LSAMP: variants seen among roughly 807,000 people sequenced by gnomAD.
LSAMP encodes the protein limbic system associated membrane protein, also known as limbic system-associated membrane protein.
LSAMP carries 7 observed loss-of-function variants against 38.6 expected under a neutral mutation model. The observed-to-expected ratio is 0.18, with a 90% CI of 0.10 to 0.34. The LOEUF (loss-of-function observed/expected upper bound fraction) is 0.34. Among genes scored for constraint, LSAMP ranks in the 10% least tolerant of loss-of-function variants. The pLI is 1.00. For missense variants in LSAMP, 313 were observed against 420.0 expected, an observed-to-expected ratio of 0.75 and a Z score of 2.23; for synonymous variants, 154 against 166.8, an observed-to-expected ratio of 0.92 and a Z score of 0.59.
chr3:115,821,681 G>A (rs778205709), intron 6 of LSAMP, among the ~76,000 whole-genome samples: 6 of 152,196 alleles, frequency 3.9e-5, no homozygotes, highest in Admixed American at 1.3e-4. Flanking sequence ...GTAAGAGTGT[G>A]TGTTTGCAGA....
At chr3:116,053,538 T>C (rs369488706) in intron 2 of LSAMP, among the ~76,000 whole-genome samples, 1 of 152,252 alleles carries the variant, frequency 6.6e-6, no homozygotes, top group African/African-American at 2.4e-5. Flanking sequence ...GACAAGTAAG[T>C]TGAATGAAAA....
intron 2 of LSAMP, among the ~76,000 whole-genome samples, chr3:116,036,979 C>A (rs934042415): frequency 3.6e-4 from 55 of 152,230 alleles, no homozygotes; most frequent in African/African-American, 1.3e-3. Flanking sequence ...TTTGTACCTG[C>A]AGATCTTTTT....
intron 3 of LSAMP, among the ~76,000 whole-genome samples, chr3:115,979,020 A>G (rs969898940): frequency 4.6e-4 from 70 of 152,310 alleles, no homozygotes; most frequent in African/African-American, 1.5e-3. Flanking sequence ...AAAAAAATCA[A>G]TAAAACTGAG....
At chr3:115,848,163 C>T (rs1046911891) in intron 4 of LSAMP, among the ~76,000 whole-genome samples, 1 of 152,172 alleles carries the variant, frequency 6.6e-6, no homozygotes, top group African/African-American at 2.4e-5. Flanking sequence ...CAGTCTGGTT[C>T]CATATTAAAC....
At chr3:116,278,112 G>T (rs1407197629) in intron 1 of LSAMP, among the ~76,000 whole-genome samples, 1 of 152,136 alleles carries the variant, frequency 6.6e-6, no homozygotes, top group African/African-American at 2.4e-5. Flanking sequence ...TCCTTTGAGA[G>T]TGCTCTTATT....
At chr3:116,079,629 C>T (rs1707828937) in intron 2 of LSAMP, among the ~76,000 whole-genome samples, 2 of 96,226 alleles carry the variant, frequency 2.1e-5, no homozygotes, top group South Asian at 3.4e-4. Flanking sequence ...GAGACTCTGT[C>T]TCAAAAAAAA....
At chr3:116,358,931 G>C (rs2048264333) in intron 1 of LSAMP, among the ~76,000 whole-genome samples, 1 of 152,166 alleles carries the variant, frequency 6.6e-6, no homozygotes, top group Non-Finnish European at 1.5e-5. Flanking sequence ...GTTATTTGCA[G>C]TTATAAACTT....
At chr3:116,178,727 C>T (rs1292588491) in intron 1 of LSAMP, among the ~76,000 whole-genome samples, 2 of 152,148 alleles carry the variant, frequency 1.3e-5, no homozygotes, top group East Asian at 3.9e-4. Flanking sequence ...ATCTATTTCT[C>T]ATCTGGCTCT....
At chr3:116,072,600 G>A (rs1333824517) in intron 2 of LSAMP, among the ~76,000 whole-genome samples, 1 of 152,058 alleles carries the variant, frequency 6.6e-6, no homozygotes, top group African/African-American at 2.4e-5. Context: ...TTTGACTGGT[G>A]TGAGACGGTA....
intron 1 of LSAMP, among the ~76,000 whole-genome samples, chr3:116,173,369 A>T (rs1710251314): frequency 6.6e-6 from 1 of 152,030 alleles, no homozygotes; most frequent in South Asian, 2.1e-4. Context: ...TGGCCTTTTC[A>T]GTTTGCCAAT....
chr3:116,145,621 T>C (rs988488402), intron 1 of LSAMP, among the ~76,000 whole-genome samples: 8 of 151,984 alleles, frequency 5.3e-5, no homozygotes, highest in Admixed American at 2.0e-4. Flanking sequence ...TTCACAGCAA[T>C]ATCTGGACTG....
At chr3:116,384,803 A>T (rs2048604506) in intron 1 of LSAMP, among the ~76,000 whole-genome samples, 1 of 152,196 alleles carries the variant, frequency 6.6e-6, no homozygotes, top group Admixed American at 6.5e-5. Flanking sequence ...TTTAATAGGT[A>T]CAATTTTCTC....
At chr3:116,141,508 C>T (rs1342407232) in intron 1 of LSAMP, among the ~76,000 whole-genome samples, 1 of 151,854 alleles carries the variant, frequency 6.6e-6, no homozygotes, top group Admixed American at 6.6e-5. Context: ...TCGTTTCTAC[C>T]TCCTCCCCCA....
chr3:116,288,845 AAGTT>A (rs1177054651), intron 1 of LSAMP, among the ~76,000 whole-genome samples: 1 of 152,218 alleles, frequency 6.6e-6, no homozygotes, highest in African/African-American at 2.4e-5. Flanking sequence ...AGTATTTATT[AAGTT>A]ATTTCAATAC....
chr3:115,841,612 A>G (rs1934997888), intron 6 of LSAMP: 1 of 400,360 alleles, frequency 2.5e-6, no homozygotes, highest in Non-Finnish European at 4.3e-6. Context: ...AAAAACGAAG[A>G]AAAACAAACA....
rs56255627 is a variant in LSAMP at position 116,249,148 on chromosome 3, C to CA, written c.156-162593dup. ...TGGGTGACAGAGCGAGACTCTGTCT[C>CA]AAAAAAAAAAAAAAGGACTAAACTT... On this transcript the variant is annotated intron_variant, in intron 1 of 6. Transcript: ENST00000490035. Among the ~76,000 whole-genome samples, 581 of 126,256 alleles carry CA rather than the reference C, an allele frequency of 4.6e-3. 12 individuals carry two copies. Among genetic ancestry groups the CA allele is most frequent in the African/African-American group, 0.012 (397 of 31,884 alleles). 82.8% of individuals were successfully genotyped at this position (126,256 alleles called of 152,430 possible).
At chr3:116,164,760 A>ATATATATATATAT (rs374542146) in intron 1 of LSAMP, among the ~76,000 whole-genome samples, 1 of 91,642 alleles carries the variant, frequency 1.1e-5, no homozygotes, top group Non-Finnish European at 2.0e-5. Flanking sequence ...ATATATATAT[A>ATATATATATATAT]TTTTTTTTTT....
chr3:115,813,860 A>T lies in LSAMP; in HGVS notation c.920-3446T>A, dbSNP rs544755158. 1.2e-4 allele frequency among the ~76,000 whole-genome samples: 18 copies of T among 152,330 alleles called. No homozygotes were observed. The East Asian group carries it at 2.9e-3, about 24-fold the overall frequency. ...GCAAATGATAAATCTTATTTCCCAC[A>T]CCAGATGGCCAAGCTCAGCAAGTGC... On this transcript the variant is annotated intron_variant, in intron 6 of 6. Coordinates refer to ENST00000490035, the MANE Select transcript of LSAMP (RefSeq NM_002338.5).
chr3:116,435,735 G>A (rs189574906), intron 1 of LSAMP, among the ~76,000 whole-genome samples: 1 of 152,252 alleles, frequency 6.6e-6, no homozygotes, highest in Admixed American at 6.5e-5. Flanking sequence ...TTCCTCAAAG[G>A]ATCTTAAATA....
Sources: gnomAD v4.1 joint callset for allele counts (sites outside exome capture counted in the v4.1 genomes callset) on GRCh38, gnomAD v4.1.1 for gene constraint, MANE v1.5 for transcripts, NCBI Gene and HGNC (gene_info 2026-07-23, HGNC 2026-07-21) for gene names.